Variants in METTL15 observed in about 807,000 individuals in gnomAD.
METTL15 encodes the protein methyltransferase 15, mitochondrial 12S rRNA N4-cytidine, also known as 12S rRNA N(4)-cytidine methyltransferase METTL15.
Under a neutral mutation model 38.3 loss-of-function variants are expected in METTL15, and 34 were observed. The ratio of observed to expected loss-of-function variants is 0.89; its 90% CI spans 0.68 to 1.18. The LOEUF is 1.18. Among genes scored for constraint, METTL15 ranks in the 50% most tolerant of loss-of-function variants. METTL15 has a pLI of 0.00. For synonymous variants in METTL15, 162 were observed against 170.9 expected, an observed-to-expected ratio of 0.95 and a Z score of 0.41; for missense variants, 438 against 498.4, an observed-to-expected ratio of 0.88 and a Z score of 1.15.
chr11:28,253,269 A>C (rs1854822644), intron 4 of METTL15, among the ~76,000 whole-genome samples: 1 of 152,140 alleles, frequency 6.6e-6, no homozygotes, highest in Admixed American at 6.6e-5. Flanking sequence ...ATTGGCACCC[A>C]GTTGCTTAGG....
At chr11:28,122,429 C>G (rs944665666) in intron 3 of METTL15, among the ~76,000 whole-genome samples, 2 of 148,110 alleles carry the variant, frequency 1.4e-5, no homozygotes, top group African/African-American at 4.9e-5. Context: ...TAAAGTGTTA[C>G]TTAATCTCTT....
chr11:28,465,734 T>C (rs561135894), intron 6 of METTL15, among the ~76,000 whole-genome samples: 1 of 152,316 alleles, frequency 6.6e-6, no homozygotes, highest in African/African-American at 2.4e-5. Flanking sequence ...TATCCTATAC[T>C]ACAGCAAGAT....
intron 6 of METTL15, among the ~76,000 whole-genome samples, chr11:28,442,166 C>A (rs1262881924): frequency 2.0e-5 from 3 of 152,140 alleles, no homozygotes; most frequent in Non-Finnish European, 4.4e-5. Flanking sequence ...CTGGACAGTT[C>A]CTCAAGTTAC....
chr11:28,186,568 G>T (rs1355077768), intron 3 of METTL15, among the ~76,000 whole-genome samples: 1 of 150,976 alleles, frequency 6.6e-6, no homozygotes, highest in East Asian at 1.9e-4. Flanking sequence ...AACTATAAAT[G>T]CCTAGTTTTT....
In METTL15 at chr11:28,179,106, G is replaced by A. The variant is rs188201105; in HGVS notation, c.271-31956G>A. On this transcript the variant is annotated intron_variant, in intron 3 of 6. Transcript: ENST00000407364. Reference sequence around the variant, plus strand: ...AGAGAGAAAATGCACACACCTGTGTGCACACATGGGTTTGTGTGTGTATTT... The same window carrying A: ...AGAGAGAAAATGCACACACCTGTGTACACACATGGGTTTGTGTGTGTATTT... 9.0e-4 allele frequency among the ~76,000 whole-genome samples: 137 copies of A among 151,880 alleles called. 1 individual carries two copies. The highest frequency in any genetic ancestry group is 3.3e-3 in the African/African-American group (136 of 41,542).
rs541298614 is a variant in METTL15 at position 28,379,219 on chromosome 11, C to T, written c.*358+17183C>T. The stretch of plus-strand genomic sequence containing the variant: ...TTAGTCTAAATTATGTTTAATTCTG[C>T]TTTGATTTTTATTATTTATTTTCTT... On this transcript the variant is annotated intron_variant and NMD_transcript_variant, in intron 5 of 7. Transcript: ENST00000532947. 2.9e-3 allele frequency among the ~76,000 whole-genome samples: 433 copies of T among 151,784 alleles called. 1 individual carries two copies. The highest frequency in any genetic ancestry group is 0.01 in the African/African-American group (420 of 41,428).
Position 28,286,490 on chromosome 11 carries a change from T to C in METTL15, c.408-3716T>C, listed in dbSNP as rs115520123. Reference sequence around the variant, plus strand: ...ATTGGAAACTAAGGTAGCCAACAAATATCCTTTACAGTAGCTAACAGTACA... The same window carrying C: ...ATTGGAAACTAAGGTAGCCAACAAACATCCTTTACAGTAGCTAACAGTACA... On this transcript the variant is annotated intron_variant, in intron 4 of 6. Transcript: ENST00000407364. 4.8e-3 allele frequency among the ~76,000 whole-genome samples: 724 copies of C among 152,232 alleles called. 6 individuals carry two copies. Among genetic ancestry groups the C allele is most frequent in the African/African-American group, 0.016 (682 of 41,554 alleles).
At chr11:28,237,220 C>A (rs572147144) in intron 4 of METTL15, among the ~76,000 whole-genome samples, 205 of 152,290 alleles carry the variant, frequency 1.3e-3, no homozygotes, top group African/African-American at 4.9e-3. Flanking sequence ...TCCATTCTCC[C>A]CATCACTTTC....
chr11:28,171,691 T>A (rs10835280), intron 3 of METTL15, among the ~76,000 whole-genome samples: 70,500 of 151,988 alleles, frequency 0.46, 17,905 homozygotes, highest in Admixed American at 0.56. Context: ...TATTCTTGAA[T>A]GTTTACTTCT....
intron 5 of METTL15, among the ~76,000 whole-genome samples, chr11:28,367,927 T>C (rs1850202630): frequency 6.6e-6 from 1 of 151,724 alleles, no homozygotes; most frequent in Non-Finnish European, 1.5e-5. Context: ...CTTTTACAAC[T>C]TATACAAAAA....
At chr11:28,173,718 A>G (rs376455943) in intron 3 of METTL15, among the ~76,000 whole-genome samples, 16 of 152,298 alleles carry the variant, frequency 1.1e-4, no homozygotes, top group African/African-American at 3.8e-4. Context: ...CACATCCAGG[A>G]TATCACACTA....
intron 4 of METTL15, among the ~76,000 whole-genome samples, chr11:28,353,859 A>C (rs1269479305): frequency 6.9e-6 from 1 of 144,828 alleles, no homozygotes. Flanking sequence ...CGGGAAGCGG[A>C]GCTTGCAGTG....
chr11:28,408,237 G>GC (rs1198276148), intron 5 of METTL15, among the ~76,000 whole-genome samples: 1 of 152,092 alleles, frequency 6.6e-6, no homozygotes, highest in African/African-American at 2.4e-5. Flanking sequence ...GAGTTGATAG[G>GC]CGCAGCACAC....
chr11:28,461,459 GT>G (rs113695733), intron 6 of METTL15, among the ~76,000 whole-genome samples: 7 of 152,102 alleles, frequency 4.6e-5, no homozygotes, highest in African/African-American at 1.4e-4. Context: ...AGGATTTCAT[GT>G]TTTTTTCTTC....
At chr11:28,504,922 G>A (rs1187554125) in intron 6 of METTL15, among the ~76,000 whole-genome samples, 1 of 152,158 alleles carries the variant, frequency 6.6e-6, no homozygotes, top group Non-Finnish European at 1.5e-5. Flanking sequence ...TTGCTTAGGA[G>A]GCAGTGGTTC....
chr11:28,348,119 C>G (rs1044311319), intron 3 of METTL15, among the ~76,000 whole-genome samples: 1 of 152,118 alleles, frequency 6.6e-6, no homozygotes, highest in African/African-American at 2.4e-5. Context: ...TTACGTCCAC[C>G]AGGTTTCTCT....
intron 6 of METTL15, among the ~76,000 whole-genome samples, chr11:28,526,179 T>C (rs1411425743): frequency 2.0e-5 from 3 of 152,164 alleles, no homozygotes; most frequent in Non-Finnish European, 4.4e-5. Context: ...CCACACCTCC[T>C]GGCAAGCTGA....
intron 4 of METTL15, among the ~76,000 whole-genome samples, chr11:28,277,945 A>G (rs1855906136): frequency 1.3e-5 from 2 of 152,166 alleles, no homozygotes; most frequent in Admixed American, 6.6e-5. Context: ...AAACGGTACA[A>G]ACATATAGTT....
intron 4 of METTL15, among the ~76,000 whole-genome samples, chr11:28,224,869 C>T (rs1179120775): frequency 3.3e-5 from 5 of 151,490 alleles, no homozygotes; most frequent in Admixed American, 6.6e-5. Context: ...TTTTATTGAA[C>T]TTTTATAATT....
Sources: gnomAD v4.1 joint callset for allele counts (sites outside exome capture counted in the v4.1 genomes callset) on GRCh38, gnomAD v4.1.1 for gene constraint, MANE v1.5 for transcripts, NCBI Gene and HGNC (gene_info 2026-07-23, HGNC 2026-07-21) for gene names.